Variants in EXOC6 observed in about 807,000 individuals in gnomAD.
EXOC6 encodes exocyst complex component 6.
Under a neutral mutation model 112.5 loss-of-function variants are expected in EXOC6, and 60 were observed. The ratio of observed to expected loss-of-function variants is 0.53; its 90% CI spans 0.43 to 0.66. The LOEUF is 0.66. Among genes scored for constraint, EXOC6 ranks in the 30% least tolerant of loss-of-function variants. EXOC6 has a pLI of 0.00. For missense variants in EXOC6, 855 were observed against 957.1 expected (o/e 0.89, Z 1.41); for synonymous variants, 295 against 308.0 (o/e 0.96, Z 0.44).
At chr10:93,013,679 C>T (rs1255078479) in intron 19 of EXOC6, among the ~76,000 whole-genome samples, 1 of 152,156 alleles carries the variant, frequency 6.6e-6, no homozygotes, top group East Asian at 1.9e-4. Flanking sequence ...CCTGATTTTT[C>T]TACTTAGAAC....
At position 93,002,532 on chromosome 10, in the gene EXOC6, T is replaced by C. The variant is rs529490286; in HGVS notation, c.2095+4917T>C. 1.1e-4 allele frequency among the ~76,000 whole-genome samples: 17 copies of C among 152,324 alleles called. No individual in the cohort carries two copies. The South Asian group carries it at 3.5e-3, about 32-fold the overall frequency. ...TGGGGATGAGGCCCAGCAATTTGCT[T>C]GAATAGACCCTCCAGTTGATTCTGT... On this transcript the variant is annotated intron_variant, in intron 19 of 21. Coordinates refer to ENST00000260762, the MANE Select transcript of EXOC6 (RefSeq NM_019053.6).
At chr10:92,934,748 A>G (rs1852254323) in intron 11 of EXOC6, among the ~76,000 whole-genome samples, 4 of 152,136 alleles carry the variant, frequency 2.6e-5, no homozygotes, top group Admixed American at 2.6e-4. Flanking sequence ...TATCATTTCA[A>G]TTCTTTGTTT....
At chr10:92,976,088 G>A (rs868816544) in intron 18 of EXOC6, among the ~76,000 whole-genome samples, 2 of 150,626 alleles carry the variant, frequency 1.3e-5, no homozygotes, top group East Asian at 4.0e-4. Context: ...CGCCCCGCCC[G>A]GGAGGTGAGG....
At chr10:92,996,408 C>CAGG (rs1843487269) in intron 18 of EXOC6, among the ~76,000 whole-genome samples, 2 of 152,026 alleles carry the variant, frequency 1.3e-5, no homozygotes, top group Admixed American at 6.6e-5. Context: ...ATCACAAGGT[C>CAGG]AGATCGAGAC....
upstream of EXOC6, among the ~76,000 whole-genome samples, chr10:92,833,344 C>T (rs1846553401): frequency 6.6e-6 from 1 of 152,226 alleles, no homozygotes. Flanking sequence ...TCTCATGTAG[C>T]TCTCAGGGAA....
At chr10:92,901,452 C>T (rs1168911716) in intron 5 of EXOC6, 1 of 151,488 alleles carries the variant, frequency 6.6e-6, no homozygotes, top group Non-Finnish European at 1.5e-5. Context: ...TGAACTTACG[C>T]ATTTTTAAAA....
At chr10:92,893,542 T>C in intron 2 of EXOC6, 22 bp downstream of exon 2, 1 of 1,580,812 alleles carries the variant, frequency 6.3e-7, no homozygotes, top group Middle Eastern at 1.9e-4. Flanking sequence ...GTTAAAATTA[T>C]TTGCCTTTGT....
chr10:92,910,154 C>CA (rs556066527), intron 6 of EXOC6, among the ~76,000 whole-genome samples: 1 of 151,946 alleles, frequency 6.6e-6, no homozygotes, highest in Non-Finnish European at 1.5e-5. Context: ...CAGTGAGAAA[C>CA]AAAAAAACAT....
At chr10:92,872,218 A>G (rs900839346) in intron 1 of EXOC6, among the ~76,000 whole-genome samples, 1 of 152,058 alleles carries the variant, frequency 6.6e-6, no homozygotes, top group African/African-American at 2.4e-5. Flanking sequence ...TTTTAAAGCA[A>G]TTCTGCTGTA....
At chr10:92,828,807 G>A (rs1279005861) in intron 1 of EXOC6, among the ~76,000 whole-genome samples, 1 of 149,486 alleles carries the variant, frequency 6.7e-6, no homozygotes, top group African/African-American at 2.5e-5. Context: ...CTCCAACTCC[G>A]CCAAGACTGA....
intron 5 of EXOC6, among the ~76,000 whole-genome samples, chr10:92,903,265 T>G (rs1247102532): frequency 6.6e-6 from 1 of 152,112 alleles, no homozygotes; most frequent in African/African-American, 2.4e-5. Flanking sequence ...CGTATGGTGT[T>G]TAATTAGTTT....
intron 20 of EXOC6, among the ~76,000 whole-genome samples, chr10:93,046,765 T>G (rs1846018381): frequency 6.6e-6 from 1 of 151,898 alleles, no homozygotes; most frequent in Non-Finnish European, 1.5e-5. Flanking sequence ...GCCCGACTAA[T>G]TTTGTATTTT....
At chr10:92,975,951 C>G (rs1842570705) in intron 18 of EXOC6, among the ~76,000 whole-genome samples, 1 of 142,630 alleles carries the variant, frequency 7.0e-6, no homozygotes, top group Non-Finnish European at 1.5e-5. Context: ...GCCAGCCGCC[C>G]CGTCCGGTAG....
At chr10:93,035,045 G>T (rs1282166410) in intron 20 of EXOC6, among the ~76,000 whole-genome samples, 1 of 152,158 alleles carries the variant, frequency 6.6e-6, no homozygotes, top group Non-Finnish European at 1.5e-5. Flanking sequence ...AAGAATTAAA[G>T]GAAGATACAT....
chr10:93,030,411 G>A (rs1845220369), intron 20 of EXOC6, among the ~76,000 whole-genome samples: 2 of 152,200 alleles, frequency 1.3e-5, no homozygotes, highest in South Asian at 2.1e-4. Context: ...TCTAAAAAAA[G>A]CATTCAGATA....
chr10:92,911,938 CGTGTGTGTGTGTGT>C (rs72368133), intron 6 of EXOC6, among the ~76,000 whole-genome samples: 13 of 136,130 alleles, frequency 9.5e-5, no homozygotes, highest in South Asian at 2.4e-4. Context: ...TCTCTGTGTG[CGTGTGTGTGTGTGT>C]GTGTGTGTGT....
rs78956196 is a variant in EXOC6 at position 92,874,544 on chromosome 10, T to G, written c.102-18805T>G. ...GATGAAGGTGTCTGTAAACCTTTTT[T>G]AATTGTAAGAAATGTGTGTGTGTGT... On this transcript the variant is annotated intron_variant, in intron 1 of 21. Transcript: ENST00000260762. Among the ~76,000 whole-genome samples the G allele has an allele frequency of 2.9e-3, 437 of 152,296 alleles. 2 individuals are homozygous for G. The highest frequency in any genetic ancestry group is 0.01 in the African/African-American group (419 of 41,550).
At chr10:92,840,255 G>T (rs1469362135) in intron 1 of EXOC6, among the ~76,000 whole-genome samples, 1 of 151,998 alleles carries the variant, frequency 6.6e-6, no homozygotes, top group Non-Finnish European at 1.5e-5. Context: ...ATAAATGTAA[G>T]ATTTGTATTA....
At chr10:93,057,181 C>T (rs1307995189) in intron 21 of EXOC6, 145 bp downstream of exon 21, 35 of 483,672 alleles carry the variant, frequency 7.2e-5, no homozygotes, top group Non-Finnish European at 1.1e-4. Context: ...AAAAAATAAG[C>T]TTTTCTTTCT....
Sources: allele counts gnomAD v4.1 joint callset (sites outside exome capture counted in the v4.1 genomes callset), GRCh38; gene constraint gnomAD v4.1.1; transcripts MANE v1.5; gene names NCBI Gene and HGNC (gene_info 2026-07-23, HGNC 2026-07-21).